The following CNTNAP5 variants were observed in gnomAD, a reference collection of about 807,000 sequenced individuals.
CNTNAP5 encodes the protein contactin-associated protein-like 5.
CNTNAP5 carries 72 observed loss-of-function variants against 150.2 expected under a neutral mutation model. The observed-to-expected ratio is 0.48, with a 90% confidence interval of 0.40 to 0.58. The LOEUF is 0.58. Among genes scored for constraint, CNTNAP5 ranks in the 20% least tolerant of loss-of-function variants. The probability of loss-of-function intolerance (pLI) is 0.00; values close to 1 mark genes in which losing one functional copy is unlikely to be tolerated. For synonymous variants in CNTNAP5, 672 were observed against 619.8 expected (o/e 1.08, Z -1.25); for missense variants, 1,636 against 1,626.2 (o/e 1.01, Z -0.10).
chr2:124,440,236 G>C (rs1341094373), intron 5 of CNTNAP5, among the ~76,000 whole-genome samples: 1 of 152,140 alleles, frequency 6.6e-6, no homozygotes, highest in Non-Finnish European at 1.5e-5. Context: ...ACAAATTAAA[G>C]GTGGGTGGGA....
At chr2:124,358,367 T>A (rs1201808425) in intron 3 of CNTNAP5, among the ~76,000 whole-genome samples, 1 of 152,184 alleles carries the variant, frequency 6.6e-6, no homozygotes, top group Non-Finnish European at 1.5e-5. Flanking sequence ...AGAGAGGGCA[T>A]CCCTGTCTTG....
At chr2:124,653,920 C>T (rs868617322) in intron 13 of CNTNAP5, among the ~76,000 whole-genome samples, 13 of 138,966 alleles carry the variant, frequency 9.4e-5, no homozygotes, top group Non-Finnish European at 1.7e-4. Flanking sequence ...AACCCCCCCC[C>T]CCCGCCACAC....
chr2:124,776,695 GT>G (rs556160001), intron 17 of CNTNAP5, among the ~76,000 whole-genome samples: 89 of 152,238 alleles, frequency 5.8e-4, no homozygotes, highest in African/African-American at 2.1e-3. Flanking sequence ...TAGGCATGAT[GT>G]CATGTGTCTC....
intron 12 of CNTNAP5, among the ~76,000 whole-genome samples, chr2:124,613,645 C>T (rs1446694395): frequency 6.6e-6 from 1 of 152,166 alleles, no homozygotes; most frequent in Non-Finnish European, 1.5e-5. Flanking sequence ...TCTCCTCTTA[C>T]AGTGCACCCT....
At chr2:124,807,228 T>C (rs1682099468) in intron 19 of CNTNAP5, among the ~76,000 whole-genome samples, 1 of 152,158 alleles carries the variant, frequency 6.6e-6, no homozygotes, top group Admixed American at 6.6e-5. Flanking sequence ...TCAAAGTCAT[T>C]GAAGATATGT....
rs181829229 is a variant in CNTNAP5 at position 124,897,806 on chromosome 2, T to C, written c.3437-5076T>C. Among the ~76,000 whole-genome samples, 41 of 151,702 alleles carry C rather than the reference T, an allele frequency of 2.7e-4. 1 individual carries two copies. The highest frequency in any genetic ancestry group is 9.8e-4 in the African/African-American group (40 of 41,018). ...TACTTTAAACAATTACTTGACCTTA[T>C]GTGTTTTGTCTTTCCAAACTGGAAG... is the stretch of plus-strand genomic sequence containing the variant. On this transcript the variant is annotated intron_variant, in intron 21 of 23. Coordinates refer to ENST00000682447, the MANE Select transcript of CNTNAP5 (RefSeq NM_001367498.1).
chr2:124,783,466 A>G (rs28667063), intron 17 of CNTNAP5, among the ~76,000 whole-genome samples: 54,865 of 151,858 alleles, frequency 0.36, 11,121 homozygotes, highest in African/African-American at 0.56. Context: ...ATCCTCCTCC[A>G]AGCTCCATTT....
chr2:124,789,069 TGTCTATCTGGCTCTG>T (rs1227429498), intron 17 of CNTNAP5, among the ~76,000 whole-genome samples: 1 of 152,244 alleles, frequency 6.6e-6, no homozygotes, highest in Non-Finnish European at 1.5e-5. Flanking sequence ...TTTGACTCCA[TGTCTATCTGGCTCTG>T]GTCTATCCAC....
At chr2:124,433,493 ATT>A (rs1459324719) in intron 4 of CNTNAP5, among the ~76,000 whole-genome samples, 1 of 152,140 alleles carries the variant, frequency 6.6e-6, no homozygotes, top group Non-Finnish European at 1.5e-5. Context: ...CAGGCTGAGG[ATT>A]TTAATTACAT....
chr2:124,056,336 G>A (rs1573722062), intron 1 of CNTNAP5, among the ~76,000 whole-genome samples: 1 of 152,024 alleles, frequency 6.6e-6, no homozygotes, highest in African/African-American at 2.4e-5. Context: ...TATACAACTG[G>A]AGTGATGGCC....
At chr2:124,790,253 C>T in intron 18 of CNTNAP5, 112 bp downstream of exon 18, 1 of 1,166,694 alleles carries the variant, frequency 8.6e-7, no homozygotes, top group Non-Finnish European at 1.2e-6. Context: ...TACTCTCCCG[C>T]TGTTTAGAGA....
Position 124,883,657 on chromosome 2 carries a change from C to T in CNTNAP5, c.3436+13895C>T, listed in dbSNP as rs532336531. Reference sequence around the variant, plus strand: ...ATCCTGGTACAGGTATGTATGTGTACGCATATGTGTATGTTTGCATTTGTC... The same window carrying T: ...ATCCTGGTACAGGTATGTATGTGTATGCATATGTGTATGTTTGCATTTGTC... On this transcript the variant is annotated intron_variant, in intron 21 of 23. Transcript: ENST00000682447. 6.6e-5 allele frequency among the ~76,000 whole-genome samples: 10 copies of T among 152,042 alleles called. No homozygotes were observed. In the South Asian group the frequency reaches 8.3e-4, roughly 13 times the overall value.
Position 124,439,070 on chromosome 2 carries a change from T to A in CNTNAP5, c.733+4383T>A, listed in dbSNP as rs72966670. Among the ~76,000 whole-genome samples, 791 of 152,242 alleles carry A rather than the reference T, an allele frequency of 5.2e-3. 5 individuals are homozygous for A. Among genetic ancestry groups the A allele is most frequent in the African/African-American group, 0.018 (751 of 41,554 alleles). On this transcript the variant is annotated intron_variant, in intron 5 of 23. Transcript: ENST00000682447. ...ATAATAAAAATTATAAAACAATTCATAAAAATGTTAAATATCAGGCAAACA... is the reference window on the plus strand; with the variant it reads ...ATAATAAAAATTATAAAACAATTCAAAAAAATGTTAAATATCAGGCAAACA...
intron 3 of CNTNAP5, among the ~76,000 whole-genome samples, chr2:124,335,824 A>G (rs1429341660): frequency 6.6e-6 from 1 of 152,032 alleles, no homozygotes; most frequent in Non-Finnish European, 1.5e-5. Flanking sequence ...GTATACTGCC[A>G]ACTATGCCGG....
chr2:124,377,749 GA>G (rs1188299192), intron 3 of CNTNAP5, among the ~76,000 whole-genome samples: 27 of 150,100 alleles, frequency 1.8e-4, no homozygotes, highest in South Asian at 6.3e-4. Flanking sequence ...ATCCCTGGGG[GA>G]AAAAAAATAA....
intron 13 of CNTNAP5, among the ~76,000 whole-genome samples, chr2:124,726,641 CAAA>C (rs35201874): frequency 6.6e-6 from 1 of 150,936 alleles, no homozygotes; most frequent in African/African-American, 2.4e-5. Flanking sequence ...ACGTCTTCTT[CAAA>C]AAAAAGTCTA....
chr2:124,261,786 T>C (rs1355790261), intron 3 of CNTNAP5, among the ~76,000 whole-genome samples: 1 of 152,188 alleles, frequency 6.6e-6, no homozygotes, highest in East Asian at 1.9e-4. Context: ...CCTCCTGCTC[T>C]TGAGTAAGAG....
intron 1 of CNTNAP5, among the ~76,000 whole-genome samples, chr2:124,205,305 C>T (rs1685834172): frequency 6.6e-6 from 1 of 152,158 alleles, no homozygotes; most frequent in African/African-American, 2.4e-5. Context: ...ACTTTTCTCT[C>T]CTGCCACCAA....
At chr2:124,660,869 G>A (rs574500074) in intron 13 of CNTNAP5, among the ~76,000 whole-genome samples, 180 of 150,828 alleles carry the variant, frequency 1.2e-3, no homozygotes, top group African/African-American at 3.9e-3. Flanking sequence ...ACTTGAACCC[G>A]GAAGGCAGAG....
Sources: gnomAD v4.1 joint callset for allele counts (sites outside exome capture counted in the v4.1 genomes callset) on GRCh38, gnomAD v4.1.1 for gene constraint, MANE v1.5 for transcripts, NCBI Gene and HGNC (gene_info 2026-07-23, HGNC 2026-07-21) for gene names.